The following PARVA variants were observed in gnomAD, a reference collection of about 807,000 sequenced individuals.
PARVA encodes parvin alpha, also known as alpha-parvin.
Under a neutral mutation model 52.6 loss-of-function variants are expected in PARVA, and 25 were observed. That is an observed-to-expected ratio of 0.48 (90% confidence interval 0.35 to 0.66). PARVA has a LOEUF of 0.66. Ranked by LOEUF, PARVA falls within the 30% of genes least tolerant of loss-of-function variation. The pLI, the probability that PARVA is intolerant of heterozygous loss-of-function variation, is 0.01. For missense variants in PARVA, 373 were observed against 450.9 expected (o/e 0.83, Z 1.56); for synonymous variants, 185 against 179.1 (o/e 1.03, Z -0.26).
At chr11:12,525,750 A>G (rs933864146) in intron 12 of PARVA, among the ~76,000 whole-genome samples, 3 of 152,120 alleles carry the variant, frequency 2.0e-5, no homozygotes, top group Non-Finnish European at 2.9e-5. Context: ...ATGAAGCACC[A>G]TGGGAGCAGA....
intron 3 of PARVA, 50 bp from the exon 4 acceptor site, chr11:12,477,797 C>T (rs1286665526): frequency 1.1e-6 from 1 of 931,740 alleles, no homozygotes; most frequent in East Asian, 2.4e-5. Flanking sequence ...AAGAAAATAC[C>T]CCATAACTCT....
chr11:12,393,064 AAAAG>A lies in PARVA; in HGVS notation c.136+15289_136+15292del, dbSNP rs1565325576. 1.6e-4 allele frequency among the ~76,000 whole-genome samples: 24 copies of A among 146,800 alleles called. No homozygotes were observed. The South Asian group carries it at 2.5e-3, about 15-fold the overall frequency. ...ATTGTGAAAAAAAAAAAAAAAAAAA[AAAAG>A]AAAGAAAAAAAATACCAGAAAAGTA... On this transcript the variant is annotated intron_variant, in intron 1 of 12. Transcript: ENST00000334956.
intron 1 of PARVA, among the ~76,000 whole-genome samples, chr11:12,454,135 G>C (rs559803821): frequency 2.6e-5 from 4 of 152,196 alleles, no homozygotes; most frequent in African/African-American, 9.7e-5. Flanking sequence ...CCTCAGCAGA[G>C]CTGGTGTTTG....
chr11:12,428,158 T>C lies in PARVA; in HGVS notation c.137-45587T>C, dbSNP rs568958286. 5.9e-5 allele frequency among the ~76,000 whole-genome samples: 9 copies of C among 152,298 alleles called. No individual in the cohort carries two copies. The South Asian group carries it at 1.7e-3, about 28-fold the overall frequency. ...GGGGACTGGGAAATTTACAGAACAGTGGCAAATGATGAGCAGAGAAGTTGG... is the reference window on the plus strand; with the variant it reads ...GGGGACTGGGAAATTTACAGAACAGCGGCAAATGATGAGCAGAGAAGTTGG... On this transcript the variant is annotated intron_variant, in intron 1 of 12. Coordinates refer to ENST00000334956, the MANE Select transcript of PARVA (RefSeq NM_018222.5).
chr11:12,481,142 C>T lies in PARVA; in HGVS notation c.400+3193C>T, dbSNP rs190825252. ...ATATCCTGTTTCTCCTTAAACTTCT[C>T]CCTCTAGTTTTTGCATCCATTTAGA... is the stretch of plus-strand genomic sequence containing the variant. On this transcript the variant is annotated intron_variant, in intron 4 of 12. Coordinates refer to ENST00000334956, the MANE Select transcript of PARVA (RefSeq NM_018222.5). Among the ~76,000 whole-genome samples, 518 of 152,252 alleles carry T rather than the reference C, an allele frequency of 3.4e-3. 1 individual carries two copies. The highest frequency in any genetic ancestry group is 0.012 in the African/African-American group (496 of 41,530).
chr11:12,515,950 C>T (rs1375194578), intron 10 of PARVA, among the ~76,000 whole-genome samples: 1 of 152,216 alleles, frequency 6.6e-6, no homozygotes, highest in Non-Finnish European at 1.5e-5. Flanking sequence ...GATCCTCCCA[C>T]CCCAGTCTCC....
At chr11:12,381,257 C>A (rs555633680) in intron 1 of PARVA, among the ~76,000 whole-genome samples, 12 of 152,176 alleles carry the variant, frequency 7.9e-5, no homozygotes, top group African/African-American at 2.4e-4. Context: ...ATAATAAGGC[C>A]GGATCTTGCT....
intron 1 of PARVA, among the ~76,000 whole-genome samples, chr11:12,408,849 G>A (rs923593244): frequency 1.3e-5 from 2 of 152,194 alleles, no homozygotes; most frequent in African/African-American, 4.8e-5. Context: ...GATGGCTAAG[G>A]AAGGCCTCCC....
intron 1 of PARVA, among the ~76,000 whole-genome samples, chr11:12,445,302 T>G (rs896624186): frequency 2.0e-5 from 3 of 152,102 alleles, no homozygotes; most frequent in African/African-American, 4.8e-5. Flanking sequence ...ACGGGAGGGA[T>G]GTGAATGGTT....
At position 12,434,993 on chromosome 11, in the gene PARVA, A is replaced by C. The variant is rs1417733492; in HGVS notation, c.137-38752A>C. Among the ~76,000 whole-genome samples the C allele has an allele frequency of 2.6e-5, 4 of 152,170 alleles. No homozygotes were observed. In the East Asian group the frequency reaches 7.7e-4, roughly 29 times the overall value. The stretch of plus-strand genomic sequence containing the variant: ...CTCAATCAGCTTCTTTCCTGCCCGT[A>C]TTCACCAAATGTCTTGAAAACTCAC... On this transcript the variant is annotated intron_variant, in intron 1 of 12. Coordinates refer to ENST00000334956, the MANE Select transcript of PARVA (RefSeq NM_018222.5).
At chr11:12,447,222 A>T (rs1224759689) in intron 1 of PARVA, among the ~76,000 whole-genome samples, 1 of 152,116 alleles carries the variant, frequency 6.6e-6, no homozygotes, top group African/African-American at 2.4e-5. Flanking sequence ...TATAATCTCT[A>T]GTGTATTTTT....
intron 1 of PARVA, among the ~76,000 whole-genome samples, chr11:12,395,091 C>CAGAAA (rs1200960450): frequency 1.8e-5 from 1 of 54,908 alleles, no homozygotes; most frequent in African/African-American, 7.7e-5. Context: ...AACTCCATCT[C>CAGAAA]AAAAAAAAAA....
chr11:12,407,747 A>G (rs888552786), intron 1 of PARVA, among the ~76,000 whole-genome samples: 2 of 152,170 alleles, frequency 1.3e-5, no homozygotes, highest in Admixed American at 6.5e-5. Flanking sequence ...CAGAGTGTAC[A>G]TGGCTCAGCC....
At chr11:12,509,093 T>C (rs1278093284) in intron 7 of PARVA, among the ~76,000 whole-genome samples, 6 of 149,264 alleles carry the variant, frequency 4.0e-5, no homozygotes, top group South Asian at 4.2e-4. Context: ...TTTTTTTTTT[T>C]CATTTATTTT....
At chr11:12,499,437 CTTTT>C (rs1300364591) in intron 5 of PARVA, among the ~76,000 whole-genome samples, 1 of 142,392 alleles carries the variant, frequency 7.0e-6, no homozygotes, top group South Asian at 2.3e-4. Flanking sequence ...GGATTTCTTC[CTTTT>C]TTTTTTTTTC....
chr11:12,513,138 C>G (rs771625533), intron 8 of PARVA, 161 bp from the exon 9 acceptor site: 2 of 742,590 alleles, frequency 2.7e-6, no homozygotes, highest in Non-Finnish European at 4.9e-6. Flanking sequence ...ATCTTAGCCC[C>G]AAATCACATT....
At chr11:12,454,046 C>T (rs1415466172) in intron 1 of PARVA, among the ~76,000 whole-genome samples, 4 of 152,194 alleles carry the variant, frequency 2.6e-5, no homozygotes, top group African/African-American at 9.7e-5. Flanking sequence ...TTGAAGGTCA[C>T]AGCCAGAGAA....
intron 12 of PARVA, among the ~76,000 whole-genome samples, chr11:12,522,487 C>T (rs192958412): frequency 3.5e-5 from 5 of 143,272 alleles, no homozygotes; most frequent in South Asian, 2.2e-4. Flanking sequence ...GGCGTGGTCT[C>T]GGCTCACTGG....
intron 1 of PARVA, among the ~76,000 whole-genome samples, chr11:12,400,438 TAG>T (rs1223574589): frequency 6.6e-6 from 1 of 152,248 alleles, no homozygotes; most frequent in Non-Finnish European, 1.5e-5. Context: ...TCAATGTGTG[TAG>T]AAAGTCTGTG....
Sources: gnomAD v4.1 joint callset for allele counts (sites outside exome capture counted in the v4.1 genomes callset) on GRCh38, gnomAD v4.1.1 for gene constraint, MANE v1.5 for transcripts, NCBI Gene and HGNC (gene_info 2026-07-23, HGNC 2026-07-21) for gene names.